The following ASIC2 variants were observed in gnomAD, a reference collection of about 807,000 sequenced individuals.
ASIC2 encodes the protein acid sensing ion channel subunit 2, also known as acid-sensing ion channel 2.
ASIC2 carries 25 observed loss-of-function variants against 57.3 expected under a neutral mutation model. The observed-to-expected ratio is 0.44, with a 90% CI of 0.32 to 0.61. The LOEUF (loss-of-function observed/expected upper bound fraction) is 0.61, where lower values mean the gene tolerates loss of function less well. Ranked by LOEUF, ASIC2 falls within the 20% of genes least tolerant of loss-of-function variation. ASIC2 has a pLI of 0.06. For synonymous variants in ASIC2, 319 were observed against 307.5 expected, an observed-to-expected ratio of 1.04 and a Z score of -0.39; for missense variants, 641 against 738.1, an observed-to-expected ratio of 0.87 and a Z score of 1.52.
chr17:33,168,211 A>G (rs1487892042), intron 1 of ASIC2, among the ~76,000 whole-genome samples: 2 of 152,232 alleles, frequency 1.3e-5, no homozygotes, highest in Non-Finnish European at 2.9e-5. Flanking sequence ...AATAAACTTT[A>G]GTTCTTTATA....
chr17:34,040,061 G>A (rs1908057522), intron 1 of ASIC2, among the ~76,000 whole-genome samples: 1 of 146,412 alleles, frequency 6.8e-6, no homozygotes, highest in African/African-American at 2.6e-5. Flanking sequence ...GGCGGGCGGG[G>A]GAGGGGGGGC....
chr17:33,279,976 A>G (rs1904872400), intron 1 of ASIC2, among the ~76,000 whole-genome samples: 1 of 152,068 alleles, frequency 6.6e-6, no homozygotes, highest in African/African-American at 2.4e-5. Flanking sequence ...CTTCCTGGCA[A>G]CCCATTCCAC....
At chr17:33,622,119 C>G (rs999903278) in intron 1 of ASIC2, among the ~76,000 whole-genome samples, 12 of 151,846 alleles carry the variant, frequency 7.9e-5, no homozygotes, top group Admixed American at 6.6e-4. Flanking sequence ...TACTAGGTGC[C>G]TGGCACTGTG....
intron 1 of ASIC2, among the ~76,000 whole-genome samples, chr17:33,945,152 A>G (rs992675153): frequency 6.6e-6 from 1 of 152,170 alleles, no homozygotes; most frequent in Non-Finnish European, 1.5e-5. Flanking sequence ...TGCTTTTCCA[A>G]TGTGAAGTCT....
chr17:34,132,681 T>C (rs4795867), intron 1 of ASIC2, among the ~76,000 whole-genome samples: 121,315 of 152,104 alleles, frequency 0.8, 48,990 homozygotes, highest in African/African-American at 0.93. Flanking sequence ...AAAAGTTCTC[T>C]AAGTCCCCAC....
chr17:33,902,611 C>T (rs1444357649), intron 1 of ASIC2, among the ~76,000 whole-genome samples: 1 of 152,156 alleles, frequency 6.6e-6, no homozygotes, highest in East Asian at 1.9e-4. Flanking sequence ...CGGGCTGGGG[C>T]AGGTTCCAGG....
intron 1 of ASIC2, among the ~76,000 whole-genome samples, chr17:34,019,654 T>TA (rs1907087417): frequency 2.6e-5 from 4 of 152,244 alleles, no homozygotes; most frequent in Admixed American, 2.6e-4. Flanking sequence ...AATGCACATT[T>TA]AATAGACTAC....
chr17:34,099,689 GAGAAGAAAGAAAGGA>G (rs1567821503), intron 1 of ASIC2, among the ~76,000 whole-genome samples: 17 of 140,236 alleles, frequency 1.2e-4, no homozygotes, highest in African/African-American at 4.4e-4. Flanking sequence ...AGAAAAGAAA[GAGAAGAAAGAAAGGA>G]AAAAAGAAAG....
chr17:33,318,547 C>G (rs1906745679), intron 1 of ASIC2, among the ~76,000 whole-genome samples: 1 of 152,232 alleles, frequency 6.6e-6, no homozygotes, highest in African/African-American at 2.4e-5. Flanking sequence ...AGGGGAGAAG[C>G]TTTCTAAGCT....
chr17:33,762,605 G>A (rs561873826), intron 1 of ASIC2, among the ~76,000 whole-genome samples: 42 of 152,266 alleles, frequency 2.8e-4, no homozygotes, highest in African/African-American at 9.4e-4. Context: ...CAGAAAGGCC[G>A]CTCCCATAGT....
chr17:34,022,729 T>G (rs1220884199), intron 1 of ASIC2, among the ~76,000 whole-genome samples: 1 of 152,046 alleles, frequency 6.6e-6, no homozygotes, highest in Non-Finnish European at 1.5e-5. Flanking sequence ...GAAGAAGTGG[T>G]TCATTAATAA....
intron 3 of ASIC2, among the ~76,000 whole-genome samples, chr17:33,054,897 C>T (rs1284973279): frequency 6.6e-6 from 1 of 152,110 alleles, no homozygotes; most frequent in African/African-American, 2.4e-5. Flanking sequence ...GTAGGGCGGG[C>T]AGGGGGAATT....
intron 1 of ASIC2, among the ~76,000 whole-genome samples, chr17:33,249,839 C>T (rs1908820430): frequency 6.6e-6 from 1 of 152,166 alleles, no homozygotes; most frequent in Non-Finnish European, 1.5e-5. Flanking sequence ...AGCTGCTGAA[C>T]ACCTCTCAGG....
chr17:33,694,735 A>G (rs1047442544), intron 1 of ASIC2, among the ~76,000 whole-genome samples: 1 of 152,194 alleles, frequency 6.6e-6, no homozygotes, highest in South Asian at 2.1e-4. Context: ...GGAGTGAAGG[A>G]GGACTCTAAC....
At chr17:33,086,239 A>G (rs931218764) in intron 3 of ASIC2, among the ~76,000 whole-genome samples, 12 of 152,188 alleles carry the variant, frequency 7.9e-5, no homozygotes, top group Non-Finnish European at 1.6e-4. Flanking sequence ...CCTACAGAGA[A>G]CTTCCTCCTC....
At chr17:33,655,001 G>T (rs1907033312) in intron 1 of ASIC2, among the ~76,000 whole-genome samples, 1 of 152,142 alleles carries the variant, frequency 6.6e-6, no homozygotes, top group Non-Finnish European at 1.5e-5. Flanking sequence ...GACCTCCTAA[G>T]TCTTGAAAAA....
chr17:33,155,769 A>G (rs1014832558), intron 1 of ASIC2, among the ~76,000 whole-genome samples: 1 of 152,034 alleles, frequency 6.6e-6, no homozygotes, highest in East Asian at 1.9e-4. Flanking sequence ...TGTGTTGGCC[A>G]GGCTGGTCTC....
chr17:33,360,445 A>T (rs1374125792), intron 1 of ASIC2, among the ~76,000 whole-genome samples: 2 of 152,182 alleles, frequency 1.3e-5, no homozygotes, highest in African/African-American at 4.8e-5. Flanking sequence ...GACAACGTAC[A>T]CAACTTTCTC....
intron 1 of ASIC2, chr17:33,833,811 T>G (rs1913188123): frequency 6.6e-6 from 1 of 151,988 alleles, no homozygotes. Flanking sequence ...TCTGAGCACT[T>G]TAGGTGGCCA....
Sources: allele counts gnomAD v4.1 joint callset (sites outside exome capture counted in the v4.1 genomes callset), GRCh38; gene constraint gnomAD v4.1.1; transcripts MANE v1.5; gene names NCBI Gene and HGNC (gene_info 2026-07-23, HGNC 2026-07-21).